Variants in ETFA observed in about 807,000 individuals in gnomAD.
The protein encoded by ETFA is electron transfer flavoprotein subunit alpha.
A neutral mutation model predicts 46.2 loss-of-function variants in ETFA; 22 were observed. That is an observed-to-expected ratio of 0.48 (90% confidence interval 0.34 to 0.68). ETFA has a LOEUF of 0.68. Ranked by LOEUF, ETFA falls within the 30% of genes least tolerant of loss-of-function variation. ETFA has a pLI of 0.01. For synonymous variants in ETFA, 131 were observed against 139.9 expected (o/e 0.94, Z 0.45); for missense variants, 345 against 401.1 (o/e 0.86, Z 1.19).
intron 1 of ETFA, among the ~76,000 whole-genome samples, chr15:76,301,666 C>T: frequency 6.6e-6 from 1 of 152,000 alleles, no homozygotes; most frequent in East Asian, 1.9e-4. Flanking sequence ...GCCGAGATCA[C>T]ACCACTGCAC....
intron 8 of ETFA, among the ~76,000 whole-genome samples, chr15:76,275,090 C>T (rs569372307): frequency 1.3e-5 from 2 of 152,268 alleles, no homozygotes; most frequent in Non-Finnish European, 2.9e-5. Flanking sequence ...CCACCACTAT[C>T]TTGAGTCAGC....
chr15:76,305,555 T>C (rs2039931621), intron 1 of ETFA, among the ~76,000 whole-genome samples: 1 of 152,220 alleles, frequency 6.6e-6, no homozygotes, highest in South Asian at 2.1e-4. Flanking sequence ...AATATGAAGT[T>C]TTCTTTCTCA....
chr15:76,244,085 A>G (rs887830225), intron 9 of ETFA, among the ~76,000 whole-genome samples: 1 of 152,146 alleles, frequency 6.6e-6, no homozygotes, highest in African/African-American at 2.4e-5. Context: ...GAGTTTCTCC[A>G]TGTTGGTCAG....
At position 76,283,838 on chromosome 15, in the gene ETFA, G is replaced by C. The variant is rs1239343347; in HGVS notation, c.665-13C>G. 1 of 1,576,728 alleles carries C rather than the reference G, an allele frequency of 6.3e-7. No homozygotes were observed. The highest frequency in any genetic ancestry group is 1.8e-5 in the Admixed American group (1 of 56,944). The stretch of plus-strand genomic sequence containing the variant: ...TTCAAGCCTCGACCTCATTTAAAAA[G>C]ATGAAAAAAAAAAATTAGGCAAACA... On this transcript the variant is annotated splice_polypyrimidine_tract_variant and intron_variant, in intron 7 of 11. Transcript: ENST00000557943.
intron 1 of ETFA, among the ~76,000 whole-genome samples, chr15:76,309,178 G>A (rs1033201867): frequency 2.0e-5 from 3 of 152,168 alleles, no homozygotes; most frequent in Non-Finnish European, 4.4e-5. Flanking sequence ...GGCTGGGCGC[G>A]GTGGCTCACG....
chr15:76,301,704 TCAAAA>T (rs5813829), intron 1 of ETFA, among the ~76,000 whole-genome samples: 25,959 of 151,402 alleles, frequency 0.17, 3,220 homozygotes, highest in African/African-American at 0.35. Context: ...AGACTCCATC[TCAAAA>T]CAAAACAAAA....
rs758591063 is a variant in ETFA, at chr15:76,311,412, C to A, written c.-24G>T. 5.3e-5 allele frequency: 82 copies of A among 1,553,842 alleles called. No individual in the cohort carries two copies. Among genetic ancestry groups the A allele is most frequent in the Admixed American group, 7.7e-5 (4 of 51,792 alleles). On this transcript the variant is annotated 5_prime_UTR_variant, in exon 1 of 12. Coordinates refer to ENST00000557943, the MANE Select transcript of ETFA (RefSeq NM_000126.4). ...ATGGTCTCCGCTTCCGCCGCAACCT[C>A]GGCCTTACAGCAGCCCCGTGCCCGG...
intron 9 of ETFA, among the ~76,000 whole-genome samples, chr15:76,257,711 A>G (rs1305425223): frequency 1.3e-5 from 2 of 152,012 alleles, no homozygotes; most frequent in Non-Finnish European, 2.9e-5. Context: ...ATAAAGACAC[A>G]TGCACACGTA....
intron 10 of ETFA, chr15:76,227,932 G>A (rs923927261): frequency 2.2e-6 from 1 of 456,082 alleles, no homozygotes; most frequent in Non-Finnish European, 4.4e-6. Context: ...CACACATTAA[G>A]ATGCATAGTC....
intron 1 of ETFA, among the ~76,000 whole-genome samples, chr15:76,295,977 T>C (rs1327046201): frequency 8.4e-6 from 1 of 119,630 alleles, no homozygotes; most frequent in East Asian, 3.0e-4. Context: ...AGTCTCGCTC[T>C]GTCGCCCAGG....
At chr15:76,282,959 AT>A (rs2141527196) in intron 8 of ETFA, among the ~76,000 whole-genome samples, 1 of 151,956 alleles carries the variant, frequency 6.6e-6, no homozygotes, top group Non-Finnish European at 1.5e-5. Flanking sequence ...CCTGGCTTAA[AT>A]TTTTTTGGTT....
intron 10 of ETFA, among the ~76,000 whole-genome samples, chr15:76,229,889 CT>C (rs1431011089): frequency 2.0e-5 from 3 of 152,120 alleles, no homozygotes; most frequent in African/African-American, 7.2e-5. Flanking sequence ...ATAATTCAAA[CT>C]ATATATTATT....
chr15:76,270,836 G>A (rs2039522074), intron 9 of ETFA, among the ~76,000 whole-genome samples: 1 of 152,094 alleles, frequency 6.6e-6, no homozygotes, highest in Admixed American at 6.6e-5. Context: ...GAATAAAATA[G>A]GTACCATAAG....
At chr15:76,235,260 G>A (rs368779397) in intron 9 of ETFA, among the ~76,000 whole-genome samples, 2 of 152,076 alleles carry the variant, frequency 1.3e-5, no homozygotes, top group East Asian at 3.9e-4. Context: ...GATTTTCTCA[G>A]CCCACTAGGT....
In ETFA at chr15:76,216,404, C is replaced by A; in HGVS notation, c.*155G>T. 1.6e-6 allele frequency: 1 copy of A among 606,578 alleles called. No individual in the cohort carries two copies. The highest frequency in any genetic ancestry group is 3.0e-5 in the Admixed American group (1 of 33,444). 37.6% of individuals were successfully genotyped at this position (606,578 alleles called of 1,614,324 possible). On this transcript the variant is annotated 3_prime_UTR_variant, in exon 12 of 12. Coordinates refer to ENST00000557943, the MANE Select transcript of ETFA (RefSeq NM_000126.4). The stretch of plus-strand genomic sequence containing the variant: ...TAATTAAAAGGAAACACAGCAATCC[C>A]ATAAACAAGCATTCTGGCATCTGTT...
chr15:76,303,059 C>A (rs563696194), intron 1 of ETFA, among the ~76,000 whole-genome samples: 19 of 152,146 alleles, frequency 1.2e-4, no homozygotes, highest in African/African-American at 3.9e-4. Context: ...AATCCCAGCA[C>A]TTTGAGAGGC....
intron 8 of ETFA, among the ~76,000 whole-genome samples, chr15:76,281,101 G>C (rs1035418606): frequency 1.3e-5 from 2 of 151,924 alleles, no homozygotes; most frequent in African/African-American, 4.8e-5. Flanking sequence ...TTTTAGTAGA[G>C]GTGGGGTTTC....
At chr15:76,285,461 T>G (rs944601646) in intron 7 of ETFA, among the ~76,000 whole-genome samples, 176 bp downstream of exon 7, 3 of 152,168 alleles carry the variant, frequency 2.0e-5, no homozygotes, top group Non-Finnish European at 4.4e-5. Context: ...AACCCCAAAC[T>G]GTGTATTATG....
chr15:76,234,996 G>GT (rs989422824), intron 9 of ETFA, among the ~76,000 whole-genome samples: 6 of 152,138 alleles, frequency 3.9e-5, no homozygotes, highest in African/African-American at 1.4e-4. Context: ...CAGGTTTACC[G>GT]TATCACTGTG....
Sources: gnomAD v4.1 joint callset for allele counts (sites outside exome capture counted in the v4.1 genomes callset) on GRCh38, gnomAD v4.1.1 for gene constraint, MANE v1.5 for transcripts, NCBI Gene and HGNC (gene_info 2026-07-23, HGNC 2026-07-21) for gene names.